SSX5: variants seen among roughly 807,000 people sequenced by gnomAD.
SSX5 encodes protein SSX5.
A neutral mutation model predicts 14.9 loss-of-function variants in SSX5; 14 were observed. The ratio of observed to expected loss-of-function variants is 0.94; its 90% CI spans 0.62 to 1.47. The LOEUF (loss-of-function observed/expected upper bound fraction) is 1.47, where lower values mean the gene tolerates loss of function less well. Ranked by LOEUF, SSX5 falls within the 40% of genes most tolerant of loss-of-function variation. The pLI is 0.00. For synonymous variants in SSX5, 70 were observed against 55.4 expected (o/e 1.26, Z -1.17); for missense variants, 204 against 154.6 (o/e 1.32, Z -1.70).
chrX:48,188,616 G>A (rs782588853), intron 6 of SSX5, among the ~76,000 whole-genome samples: 2 of 111,573 alleles, frequency 1.8e-5, no homozygotes, highest in African/African-American at 3.3e-5. Context: ...TATCAACACC[G>A]AAATTAGGAA....
chrX:48,186,972 G>A, intron 7 of SSX5, 116 bp from the exon 8 acceptor site: 11 of 924,218 alleles, frequency 1.2e-5, no homozygotes, highest in Non-Finnish European at 1.7e-5. Context: ...CCCTACCTCA[G>A]GACCTGTACA....
chrX:48,187,831 C>T, intron 6 of SSX5, 100 bp from the exon 7 acceptor site: 1 of 1,020,601 alleles, frequency 9.8e-7, no homozygotes, highest in Non-Finnish European at 1.4e-6. Flanking sequence ...AAAGGAGATG[C>T]CTCCCCACCA....
intron 6 of SSX5, 42 bp downstream of exon 6, chrX:48,190,091 G>A (rs782695627): frequency 1.7e-5 from 21 of 1,202,200 alleles, no homozygotes; most frequent in Admixed American, 2.2e-5. Flanking sequence ...TGAACTTAGC[G>A]AGAAAAGCCA....
intron 7 of SSX5, among the ~76,000 whole-genome samples, 159 bp downstream of exon 7, chrX:48,187,468 A>T (rs1253843876): frequency 1.8e-5 from 2 of 110,708 alleles, no homozygotes; most frequent in Non-Finnish European, 3.8e-5. Context: ...CACCCACAAA[A>T]AAAAACATGG....
At chrX:48,196,343 G>T (rs1375488842) in intron 1 of SSX5, among the ~76,000 whole-genome samples, 1 of 109,779 alleles carries the variant, frequency 9.1e-6, no homozygotes, top group Admixed American at 9.8e-5. Context: ...TAGGCAACAG[G>T]ATCACTTGAG....
intron 2 of SSX5, 138 bp from the exon 3 acceptor site, chrX:48,194,992 A>G: frequency 2.5e-6 from 3 of 1,211,784 alleles, no homozygotes; most frequent in Non-Finnish European, 3.4e-6. Flanking sequence ...AACTGACAGA[A>G]CATGGGGCAC....
At chrX:48,190,325 A>G in intron 5 of SSX5, 57 bp from the exon 6 acceptor site, 1 of 1,116,589 alleles carries the variant, frequency 9.0e-7, no homozygotes, top group East Asian at 3.2e-5. Flanking sequence ...TTAGTGCTTT[A>G]GAGCTTACAA....
intron 3 of SSX5, 31 bp from the exon 4 acceptor site, chrX:48,194,255 G>A (rs1556925379): frequency 8.4e-7 from 1 of 1,188,798 alleles, no homozygotes; most frequent in African/African-American, 1.8e-5. Flanking sequence ...TATTCCTTAA[G>A]AGACAAGCTT....
chrX:48,192,574 T>C (rs1342540427), intron 4 of SSX5, among the ~76,000 whole-genome samples: 1 of 112,396 alleles, frequency 8.9e-6, no homozygotes, highest in African/African-American at 3.2e-5. Context: ...AATTGATTGG[T>C]TGGGAATCTG....
At chrX:48,191,979 T>C (rs1556924840) in intron 5 of SSX5, among the ~76,000 whole-genome samples, 1 of 112,424 alleles carries the variant, frequency 8.9e-6, no homozygotes, top group African/African-American at 3.2e-5. Context: ...AGAAACAATG[T>C]CTTCTTAAGG....
Position 48,187,655 on chromosome X carries a change from G to A in SSX5, c.543C>T (p.Ser181=), listed in dbSNP as rs2059403901. 21 of 1,207,735 alleles carry A rather than the reference G, an allele frequency of 1.7e-5. No individual in the cohort carries two copies. The highest frequency in any genetic ancestry group is 2.2e-5 in the Non-Finnish European group (20 of 894,749). Residue 181 remains serine, a synonymous_variant, in exon 7 of 8, where the codon AGC becomes AGT. Coordinates refer to ENST00000347757, the MANE Select transcript of SSX5 (RefSeq NM_175723.2). The part of the protein sequence containing the change: ...RKQLVIYEEI[S]DPQEDDE ...GTTACTCGTCATCTTCCTGAGGGTC[G>A]CTGATCTCTTCATAAATCACCAGTT... is the stretch of plus-strand genomic sequence containing the variant.
intron 6 of SSX5, among the ~76,000 whole-genome samples, chrX:48,189,425 A>G (rs1294576633): frequency 9.0e-6 from 1 of 111,634 alleles, no homozygotes; most frequent in Non-Finnish European, 1.9e-5. Context: ...TGAAACTGCC[A>G]CAGCCACTCC....
intron 6 of SSX5, among the ~76,000 whole-genome samples, chrX:48,188,839 G>C (rs1225651311): frequency 8.9e-6 from 1 of 112,349 alleles, no homozygotes; most frequent in African/African-American, 3.2e-5. Flanking sequence ...TAATGCAAAG[G>C]AAAAGTTCTT....
In SSX5 at chrX:48,186,407, C is replaced by CGT. The variant is rs1556923755; in HGVS notation, c.*453_*454insAC. The CGT allele has an allele frequency of 1.0e-4, 26 of 253,087 alleles. No homozygotes were observed. Among genetic ancestry groups the CGT allele is most frequent in the East Asian group, 3.2e-4 (3 of 9,444 alleles). The allele number at this position is 253,087 out of a possible 1,213,427, so 20.9% of individuals were successfully genotyped here. ...GTGTGTGTGTGTGTGTGTGTGTGCG[C>CGT]GCGCGCGCGCATGTGTGTCTGTGTG... On this transcript the variant is annotated 3_prime_UTR_variant, in exon 8 of 8. Transcript: ENST00000347757.
At chrX:48,189,794 A>G (rs1386264575) in intron 6 of SSX5, among the ~76,000 whole-genome samples, 1 of 111,982 alleles carries the variant, frequency 8.9e-6, no homozygotes, top group African/African-American at 3.2e-5. Context: ...CACAGATGGA[A>G]TTGCTTCAGC....
In SSX5 at chrX:48,192,193, C is replaced by T. The variant is rs59567441; in HGVS notation, c.330+39G>A. 4.3e-3 allele frequency: 5,144 copies of T among 1,208,218 alleles called. 105 individuals are homozygous for T. The East Asian group carries it at 0.061, about 14-fold the overall frequency. On this transcript the variant is annotated intron_variant, in intron 5 of 7. Transcript: ENST00000347757. Reference sequence around the variant, plus strand: ...TACAGGGTTCACATTCGTGAAGGGACAAAGGTTCTCTGGTCCTTTAGATTT... The same window carrying T: ...TACAGGGTTCACATTCGTGAAGGGATAAAGGTTCTCTGGTCCTTTAGATTT...
At chrX:48,191,422 T>C (rs1556924740) in intron 5 of SSX5, among the ~76,000 whole-genome samples, 1 of 111,777 alleles carries the variant, frequency 8.9e-6, no homozygotes, top group Admixed American at 9.5e-5. Context: ...TCTGCACTTG[T>C]AGGGTCACTA....
intron 6 of SSX5, among the ~76,000 whole-genome samples, 171 bp downstream of exon 6, chrX:48,189,962 C>T (rs1190842673): frequency 1.8e-5 from 2 of 111,839 alleles, no homozygotes; most frequent in Non-Finnish European, 3.8e-5. Flanking sequence ...TGAATGACAA[C>T]TCCAGTCTGT....
chrX:48,193,222 G>T (rs2059426758), intron 4 of SSX5, among the ~76,000 whole-genome samples: 1 of 108,816 alleles, frequency 9.2e-6, no homozygotes. Flanking sequence ...ACAAACTCTG[G>T]AAGTTTTTGG....
Sources: gnomAD v4.1 joint callset for allele counts (sites outside exome capture counted in the v4.1 genomes callset) on GRCh38, gnomAD v4.1.1 for gene constraint, MANE v1.5 for transcripts, NCBI Gene and HGNC (gene_info 2026-07-23, HGNC 2026-07-21) for gene names.